Variants in NT5DC1 observed in about 807,000 individuals in gnomAD.
The protein encoded by NT5DC1 is 5'-nucleotidase domain containing 1.
In NT5DC1, 42 loss-of-function variants were observed where a neutral mutation model predicts 59.4. The observed-to-expected ratio is 0.71, with a 90% CI of 0.55 to 0.92. The LOEUF (loss-of-function observed/expected upper bound fraction) is 0.92. NT5DC1 is among the 40% of genes least tolerant of loss of function. NT5DC1 has a pLI of 0.00. For synonymous variants in NT5DC1, 172 were observed against 188.1 expected, an observed-to-expected ratio of 0.91 and a Z score of 0.70; for missense variants, 501 against 537.1, an observed-to-expected ratio of 0.93 and a Z score of 0.66.
At chr6:116,115,861 G>T (rs1019194244) in intron 5 of NT5DC1, 91 bp downstream of exon 5, 21 of 626,988 alleles carry the variant, frequency 3.3e-5, no homozygotes, top group Middle Eastern at 6.3e-4. Flanking sequence ...TTGTGATTTT[G>T]CTTAGTTTCT....
At position 116,247,936 on chromosome 6, in the gene NT5DC1, CTG is replaced by C. The variant is rs1421508830; in HGVS notation, c.*3913_*3914del. On this transcript the variant is annotated 3_prime_UTR_variant, in exon 12 of 12. Transcript: ENST00000319550. ...CAGTGCCTTTGATGAAGGGAACAAA[CTG>C]ATAATTTCATTCATGTGCAGCAAAC... 1 of 152,180 alleles carries C rather than the reference CTG, an allele frequency of 6.6e-6. No individual in the cohort carries two copies. Among genetic ancestry groups the C allele is most frequent in the African/African-American group, 2.4e-5 (1 of 41,442 alleles). 9.4% of individuals were successfully genotyped at this position (152,180 alleles called of 1,614,324 possible).
intron 6 of NT5DC1, among the ~76,000 whole-genome samples, chr6:116,132,095 T>G (rs1779482995): frequency 6.6e-6 from 1 of 152,212 alleles, no homozygotes; most frequent in Non-Finnish European, 1.5e-5. Context: ...TTTAGGTTGA[T>G]TCCATGTCTT....
chr6:116,148,812 G>C (rs1779961603), intron 6 of NT5DC1, among the ~76,000 whole-genome samples: 1 of 152,052 alleles, frequency 6.6e-6, no homozygotes, highest in African/African-American at 2.4e-5. Flanking sequence ...GTGGGTTACA[G>C]GTAAGTCATT....
intron 6 of NT5DC1, among the ~76,000 whole-genome samples, chr6:116,178,154 T>G (rs1238066818): frequency 6.6e-6 from 1 of 151,640 alleles, no homozygotes; most frequent in African/African-American, 2.4e-5. Flanking sequence ...GGACTGGGTC[T>G]AAATTTATGT....
chr6:116,195,952 T>A (rs1437034526), intron 6 of NT5DC1, among the ~76,000 whole-genome samples: 1 of 152,060 alleles, frequency 6.6e-6, no homozygotes, highest in Non-Finnish European at 1.5e-5. Flanking sequence ...CCATATTTGA[T>A]GATGAGCATT....
intron 8 of NT5DC1, among the ~76,000 whole-genome samples, chr6:116,226,424 AT>A (rs1749912806): frequency 2.0e-5 from 3 of 152,098 alleles, no homozygotes; most frequent in Middle Eastern, 7.0e-3. Context: ...TTTTTTTAAC[AT>A]GTTGGAAATT....
chr6:116,121,737 C>T, intron 6 of NT5DC1: 1 of 1,614,052 alleles, frequency 6.2e-7, no homozygotes. Flanking sequence ...CCAACATCTC[C>T]TTTTGGTCCA....
chr6:116,122,418 A>G (rs1468800064), intron 6 of NT5DC1, among the ~76,000 whole-genome samples: 6 of 152,220 alleles, frequency 3.9e-5, no homozygotes, highest in Admixed American at 1.3e-4. Context: ...TACATCTGCC[A>G]TGCCTCTGCT....
intron 6 of NT5DC1, among the ~76,000 whole-genome samples, chr6:116,135,969 C>T (rs1453360588): frequency 3.3e-5 from 5 of 150,796 alleles, no homozygotes; most frequent in Admixed American, 2.0e-4. Context: ...ACTCTTTTAG[C>T]GTATTTTAAG....
At chr6:116,179,165 T>C (rs1418965236) in intron 6 of NT5DC1, among the ~76,000 whole-genome samples, 1 of 152,162 alleles carries the variant, frequency 6.6e-6, no homozygotes, top group Non-Finnish European at 1.5e-5. Context: ...TGTTTCTCTT[T>C]ATAGAAGAAT....
intron 6 of NT5DC1, among the ~76,000 whole-genome samples, chr6:116,154,417 G>A (rs1780128993): frequency 1.3e-5 from 2 of 152,092 alleles, no homozygotes; most frequent in South Asian, 4.2e-4. Flanking sequence ...TTTCTTACCT[G>A]GCCCCTGACA....
intron 6 of NT5DC1, among the ~76,000 whole-genome samples, chr6:116,190,399 T>G (rs535176525): frequency 3.3e-5 from 5 of 151,950 alleles, no homozygotes; most frequent in South Asian, 4.1e-4. Context: ...GTTAGTAGAC[T>G]TAGAAACAGA....
intron 6 of NT5DC1, among the ~76,000 whole-genome samples, chr6:116,151,562 G>T (rs1780039098): frequency 6.6e-6 from 1 of 152,178 alleles, no homozygotes; most frequent in South Asian, 2.1e-4. Context: ...ATGTATATAT[G>T]TGGCCTGTTG....
At chr6:116,229,420 C>T (rs751045454) in intron 8 of NT5DC1, among the ~76,000 whole-genome samples, 1 of 152,162 alleles carries the variant, frequency 6.6e-6, no homozygotes, top group African/African-American at 2.4e-5. Context: ...CACAGCATGG[C>T]CTTAGCGAGT....
At chr6:116,186,954 C>T (rs1256462902) in intron 6 of NT5DC1, among the ~76,000 whole-genome samples, 1 of 152,014 alleles carries the variant, frequency 6.6e-6, no homozygotes, top group Non-Finnish European at 1.5e-5. Context: ...TGTCATATTA[C>T]CAGAATTGTT....
At chr6:116,102,782 G>A (rs1487652524) in intron 1 of NT5DC1, among the ~76,000 whole-genome samples, 3 of 152,202 alleles carry the variant, frequency 2.0e-5, no homozygotes, top group Non-Finnish European at 4.4e-5. Flanking sequence ...AGGATACAGA[G>A]ATCAACACGC....
chr6:116,102,353 T>C (rs1346770319), intron 1 of NT5DC1, among the ~76,000 whole-genome samples: 1 of 152,218 alleles, frequency 6.6e-6, no homozygotes, highest in African/African-American at 2.4e-5. Context: ...TGTTACACTT[T>C]CCTGCTTTCT....
chr6:116,173,819 A>G (rs1368185674), intron 6 of NT5DC1, among the ~76,000 whole-genome samples: 2 of 152,160 alleles, frequency 1.3e-5, no homozygotes, highest in Non-Finnish European at 2.9e-5. Flanking sequence ...TGTCACATCT[A>G]AGAAACCAAC....
At chr6:116,125,314 G>A (rs1422901406) in intron 6 of NT5DC1, 1 of 1,610,022 alleles carries the variant, frequency 6.2e-7, no homozygotes, top group East Asian at 2.2e-5. Context: ...CTTGTTAATA[G>A]AACAAAATAT....
Sources: allele counts gnomAD v4.1 joint callset (sites outside exome capture counted in the v4.1 genomes callset), GRCh38; gene constraint gnomAD v4.1.1; transcripts MANE v1.5; gene names NCBI Gene and HGNC (gene_info 2026-07-23, HGNC 2026-07-21).